CACNA1C: variants seen among roughly 807,000 people sequenced by gnomAD.
The protein encoded by CACNA1C is calcium voltage-gated channel subunit alpha1 C.
Under a neutral mutation model 229.0 loss-of-function variants are expected in CACNA1C, and 30 were observed. That is an observed-to-expected ratio of 0.13 (90% CI 0.10 to 0.18). The LOEUF is 0.18. Among genes scored for constraint, CACNA1C ranks in the 10% least tolerant of loss-of-function variants. The pLI, the probability that CACNA1C is intolerant of heterozygous loss-of-function variation, is 1.00. For synonymous variants in CACNA1C, 1,114 were observed against 1,132.5 expected (o/e 0.98, Z 0.33); for missense variants, 1,658 against 2,845.0 (o/e 0.58, Z 9.49).
chr12:2,566,391 C>A lies in CACNA1C; in HGVS notation c.1509-31C>A, dbSNP rs752444102. On this transcript the variant is annotated intron_variant, in intron 11 of 46. Coordinates refer to ENST00000399655, the MANE Select transcript of CACNA1C (RefSeq NM_000719.7). The surrounding 1 kb of genome is among the most constrained non-coding windows in gnomAD (Gnocchi z 4.0). ...GGAGGAAACCTGAATTCACAGCCAA[C>A]CCCACCCTTCTCTCCCTGTCCCCTT... The A allele has an allele frequency of 6.4e-5, 99 of 1,551,926 alleles. No individual in the cohort carries two copies. The highest frequency in any genetic ancestry group is 3.4e-4 in the Middle Eastern group (2 of 5,810).
At position 2,597,449 on chromosome 12, in the gene CACNA1C, G is replaced by A. The variant is rs751453573; in HGVS notation, c.2853+160G>A. ...GCTTATTTTTCAGATCCTAGGCAAT[G>A]CAGACTATGTCTTCACTAGTATCTT... On this transcript the variant is annotated intron_variant, in intron 21 of 46. Transcript: ENST00000399655. The surrounding 1 kb of genome is among the most constrained non-coding windows in gnomAD (Gnocchi z 4.3). 1.2e-6 allele frequency: 2 copies of A among 1,609,930 alleles called. No homozygotes were observed.
At chr12:2,334,966 C>G (rs1330811568) in intron 3 of CACNA1C, among the ~76,000 whole-genome samples, 1 of 152,168 alleles carries the variant, frequency 6.6e-6, no homozygotes, top group African/African-American at 2.4e-5. Flanking sequence ...TCTCTTTAAG[C>G]TTTTCCCCCA....
chr12:2,434,497 A>G (rs2099115562), intron 3 of CACNA1C, among the ~76,000 whole-genome samples: 1 of 152,232 alleles, frequency 6.6e-6, no homozygotes, highest in South Asian at 2.1e-4. Flanking sequence ...ATAGTTGTGG[A>G]AGAGCTAAAA....
At chr12:2,217,810 C>T (rs2060366747) in intron 3 of CACNA1C, 1 of 152,174 alleles carries the variant, frequency 6.6e-6, no homozygotes, top group Non-Finnish European at 1.5e-5. Context: ...TCGGTGTGAC[C>T]TTGGGCCTCA....
At chr12:2,508,727 C>G (rs951612365) in intron 8 of CACNA1C, among the ~76,000 whole-genome samples, 3 of 152,190 alleles carry the variant, frequency 2.0e-5, no homozygotes, top group Non-Finnish European at 4.4e-5. Context: ...CCTCTTCTAT[C>G]TGGATCATGC....
At chr12:2,160,362 T>G (rs1196416110) in intron 3 of CACNA1C, among the ~76,000 whole-genome samples, 1 of 152,168 alleles carries the variant, frequency 6.6e-6, no homozygotes. Flanking sequence ...GTACTCACTT[T>G]CTCTCTCCTG....
intron 3 of CACNA1C, among the ~76,000 whole-genome samples, chr12:2,448,143 A>G (rs1442350390): frequency 6.6e-6 from 1 of 152,210 alleles, no homozygotes; most frequent in Non-Finnish European, 1.5e-5. Flanking sequence ...TAATTGAGCC[A>G]ACAAGTTTGT....
At chr12:2,342,350 T>C (rs1222429840) in intron 3 of CACNA1C, among the ~76,000 whole-genome samples, 1 of 152,270 alleles carries the variant, frequency 6.6e-6, no homozygotes, top group African/African-American at 2.4e-5. Context: ...CAGCCACTTG[T>C]ATATCCTGAG....
chr12:2,103,353 T>A (rs953765617), intron 1 of CACNA1C, among the ~76,000 whole-genome samples: 8 of 152,168 alleles, frequency 5.3e-5, no homozygotes, highest in Admixed American at 3.3e-4. Flanking sequence ...GAGCTTTTTT[T>A]ATATAGTTGC....
chr12:2,383,410 G>A (rs1018048473), intron 3 of CACNA1C, among the ~76,000 whole-genome samples: 5 of 152,156 alleles, frequency 3.3e-5, no homozygotes, highest in East Asian at 1.9e-4. Context: ...GCTGTAGTTC[G>A]TTGGGTGGCA....
intron 1 of CACNA1C, among the ~76,000 whole-genome samples, chr12:2,090,908 T>G (rs182136319): frequency 1.3e-5 from 2 of 152,306 alleles, no homozygotes; most frequent in Non-Finnish European, 2.9e-5. Flanking sequence ...CTTGTTAATT[T>G]CTATTTTTTG....
chr12:2,501,386 A>T (rs1433869519), intron 7 of CACNA1C, among the ~76,000 whole-genome samples: 2 of 151,998 alleles, frequency 1.3e-5, no homozygotes, highest in East Asian at 3.9e-4. Context: ...GGTGCCTGGG[A>T]CTCCCATTCC....
intron 4 of CACNA1C, among the ~76,000 whole-genome samples, chr12:2,455,627 A>G (rs2099412906): frequency 6.6e-6 from 1 of 151,912 alleles, no homozygotes; most frequent in Admixed American, 6.6e-5. Flanking sequence ...CACTCCTCCC[A>G]TGCTCTCTTG....
rs765822946 is a variant in CACNA1C at position 2,651,775 on chromosome 12, G to A, written c.4074+7G>A. The A allele has an allele frequency of 1.0e-5, 16 of 1,593,590 alleles. No homozygotes were observed. The highest frequency in any genetic ancestry group is 1.2e-5 in the Non-Finnish European group (14 of 1,169,998). On this transcript the variant is annotated splice_region_variant and intron_variant, in intron 32 of 46. Coordinates refer to ENST00000399655, the MANE Select transcript of CACNA1C (RefSeq NM_000719.7). The surrounding 1 kb of genome is among the most constrained non-coding windows in gnomAD (Gnocchi z 5.4). ...CTTCATCAAGTCCTTCCAGGTAGCC[G>A]CCCCTCATGTCCTGCGGCCCGGGGA...
At position 2,595,099 on chromosome 12, in the gene CACNA1C, G is replaced by A. The variant is rs1030894428; in HGVS notation, c.2664-775G>A. On this transcript the variant is annotated intron_variant, in intron 19 of 46. Coordinates refer to ENST00000399655, the MANE Select transcript of CACNA1C (RefSeq NM_000719.7). The surrounding 1 kb of genome is among the most constrained non-coding windows in gnomAD (Gnocchi z 4.1). ...ATTGTCTGAGAGAGTTTGGCCCTTC[G>A]AGGGTTTGGTGCTTCTGCAGCAGGA... Among the ~76,000 whole-genome samples the A allele has an allele frequency of 6.6e-6, 1 of 152,162 alleles. No individual in the cohort carries two copies. Among genetic ancestry groups the A allele is most frequent in the African/African-American group, 2.4e-5 (1 of 41,424 alleles).
intron 3 of CACNA1C, among the ~76,000 whole-genome samples, chr12:2,177,587 C>CCCTCCCT (rs750852324): frequency 0.028 from 2,185 of 78,494 alleles, 61 homozygotes; most frequent in Non-Finnish European, 0.038. Context: ...CTCCCTCCCT[C>CCCTCCCT]CCTTCCTTCC....
At chr12:2,359,675 T>C (rs1030538712) in intron 3 of CACNA1C, among the ~76,000 whole-genome samples, 17 of 151,194 alleles carry the variant, frequency 1.1e-4, no homozygotes, top group African/African-American at 4.1e-4. Context: ...GGTTGGAAAA[T>C]AGGAGCATGG....
chr12:2,165,635 T>C (rs1043759731), intron 3 of CACNA1C, among the ~76,000 whole-genome samples: 1 of 152,224 alleles, frequency 6.6e-6, no homozygotes, highest in Admixed American at 6.5e-5. Context: ...CTGGATGAAC[T>C]TAACCTGGCT....
chr12:2,143,612 G>C (rs549782755), intron 3 of CACNA1C, among the ~76,000 whole-genome samples: 3 of 151,290 alleles, frequency 2.0e-5, no homozygotes, highest in Non-Finnish European at 4.4e-5. Context: ...TACAGTCTGC[G>C]TGTGTCGTAG....
Sources: gnomAD v4.1 joint callset for allele counts (sites outside exome capture counted in the v4.1 genomes callset) on GRCh38, gnomAD v4.1.1 for gene constraint, Gnocchi (gnomAD v3.1) non-coding constraint, MANE v1.5 for transcripts, NCBI Gene and HGNC (gene_info 2026-07-23, HGNC 2026-07-21) for gene names.